Variants in GPA33 observed in about 807,000 individuals in gnomAD.
GPA33 encodes the protein cell surface A33 antigen.
GPA33 carries 27 observed loss-of-function variants against 35.6 expected under a neutral mutation model. The ratio of observed to expected loss-of-function variants is 0.76; its 90% CI spans 0.56 to 1.04. The LOEUF (loss-of-function observed/expected upper bound fraction) is 1.04. GPA33 is among the 50% of genes least tolerant of loss of function. The pLI is 0.00. For missense variants in GPA33, 428 were observed against 411.9 expected (o/e 1.04, Z -0.34); for synonymous variants, 176 against 164.0 (o/e 1.07, Z -0.56).
chr1:167,071,679 T>C (rs1443688044), intron 2 of GPA33, among the ~76,000 whole-genome samples: 1 of 152,154 alleles, frequency 6.6e-6, no homozygotes, highest in African/African-American at 2.4e-5. Flanking sequence ...TTCTGCTCTT[T>C]TCTGATGCTG....
chr1:167,083,975 G>A (rs1286334330), intron 1 of GPA33, among the ~76,000 whole-genome samples: 3 of 152,122 alleles, frequency 2.0e-5, no homozygotes, highest in Admixed American at 6.5e-5. Context: ...GACAAATCCT[G>A]CTATCCACCC....
rs778569290 is a variant in GPA33 at position 167,072,602 on chromosome 1, G to A, written c.198+783C>T. 2.0e-4 allele frequency among the ~76,000 whole-genome samples: 30 copies of A among 151,946 alleles called. 1 individual carries two copies. Among genetic ancestry groups the A allele is most frequent in the South Asian group, 1.0e-3 (5 of 4,826 alleles). On this transcript the variant is annotated intron_variant, in intron 2 of 6. Transcript: ENST00000367868. Reference sequence around the variant, plus strand: ...ATAAGGGTATTTATATTTATGCAGCGTTATTTGTAGCAGCAAAATATAAGA... The same window carrying A: ...ATAAGGGTATTTATATTTATGCAGCATTATTTGTAGCAGCAAAATATAAGA...
chr1:167,090,274 A>G lies in GPA33; in HGVS notation c.14T>C (p.Met5Thr), dbSNP rs144527092. 3.2e-5 allele frequency: 52 copies of G among 1,613,778 alleles called. No individual in the cohort carries two copies. The African/African-American group carries it at 5.5e-4, about 17-fold the overall frequency. The change falls in exon 1 of 7, where the codon ATG (methionine) becomes ACG (threonine). Residue 5 changes from methionine to threonine, a missense_variant. Met to Thr is a moderately conservative substitution (Grantham distance 81). Transcript: ENST00000367868. MVGK[M>T]WPVLWTLCAV... ...ACAGAGTGTCCACAACACAGGCCAC[A>G]TCTTCCCCACCATGGTCTTGCTTCT...
At chr1:167,066,806 G>A (rs1236528187) in intron 3 of GPA33, among the ~76,000 whole-genome samples, 1 of 152,194 alleles carries the variant, frequency 6.6e-6, no homozygotes, top group East Asian at 1.9e-4. Context: ...GACGTCAGGG[G>A]GCGCCAGAGG....
chr1:167,067,166 C>T (rs73028873), intron 3 of GPA33, among the ~76,000 whole-genome samples: 1 of 152,168 alleles, frequency 6.6e-6, no homozygotes, highest in African/African-American at 2.4e-5. Context: ...TGCTCGCTTG[C>T]TCGCTTGTTT....
chr1:167,084,130 T>G (rs995700006), intron 1 of GPA33, among the ~76,000 whole-genome samples: 13 of 152,180 alleles, frequency 8.5e-5, no homozygotes, highest in African/African-American at 3.1e-4. Context: ...CTAATAGTCA[T>G]GGGAAGTTAT....
intron 1 of GPA33, among the ~76,000 whole-genome samples, chr1:167,089,519 G>A (rs1234489720): frequency 6.6e-6 from 1 of 152,122 alleles, no homozygotes; most frequent in Non-Finnish European, 1.5e-5. Flanking sequence ...CAGCAAAATG[G>A]TTGGTACCTT....
At chr1:167,070,503 C>T (rs146186571) in intron 2 of GPA33, among the ~76,000 whole-genome samples, 9 of 152,184 alleles carry the variant, frequency 5.9e-5, no homozygotes, top group Non-Finnish European at 1.0e-4. Flanking sequence ...TAAACGACAG[C>T]GCTGAGGTTC....
At chr1:167,072,390 C>T (rs574736833) in intron 2 of GPA33, among the ~76,000 whole-genome samples, 2 of 152,228 alleles carry the variant, frequency 1.3e-5, no homozygotes, top group East Asian at 3.9e-4. Flanking sequence ...AAATAGCGAA[C>T]AGTTTGAGAA....
At chr1:167,057,947 C>T (rs1158174720) in intron 4 of GPA33, among the ~76,000 whole-genome samples, 1 of 152,138 alleles carries the variant, frequency 6.6e-6, no homozygotes, top group East Asian at 1.9e-4. Context: ...GCCTGTAATC[C>T]CAGCACCTTG....
At chr1:167,065,746 T>A (rs1666578068) in intron 3 of GPA33, among the ~76,000 whole-genome samples, 1 of 152,194 alleles carries the variant, frequency 6.6e-6, no homozygotes, top group Admixed American at 6.5e-5. Flanking sequence ...TAGTGAGGGC[T>A]GGCCAGGTGT....
At chr1:167,079,218 C>T (rs529229855) in intron 1 of GPA33, among the ~76,000 whole-genome samples, 2 of 152,118 alleles carry the variant, frequency 1.3e-5, no homozygotes, top group East Asian at 1.9e-4. Context: ...ACCAGCTGGG[C>T]GTGGTGGCTC....
intron 2 of GPA33, among the ~76,000 whole-genome samples, chr1:167,069,473 A>C (rs951706987): frequency 8.5e-5 from 13 of 152,106 alleles, no homozygotes; most frequent in African/African-American, 3.1e-4. Flanking sequence ...TTTTCTCCAT[A>C]GCCTATCCTC....
intron 1 of GPA33, among the ~76,000 whole-genome samples, chr1:167,089,105 G>C (rs927486253): frequency 2.0e-5 from 3 of 152,234 alleles, no homozygotes; most frequent in Non-Finnish European, 4.4e-5. Context: ...CAGCCTGAGA[G>C]AATGATCTTA....
intron 1 of GPA33, among the ~76,000 whole-genome samples, chr1:167,083,705 T>A (rs781097516): frequency 2.6e-5 from 4 of 151,930 alleles, no homozygotes; most frequent in Non-Finnish European, 5.9e-5. Context: ...GAGATTGAAA[T>A]ATAAGCAGGA....
chr1:167,060,497 C>A (rs1666414594), intron 4 of GPA33, among the ~76,000 whole-genome samples: 1 of 152,210 alleles, frequency 6.6e-6, no homozygotes, highest in South Asian at 2.1e-4. Context: ...TAACCATATT[C>A]TTTTCTGTCA....
chr1:167,064,271 CA>C (rs1488665337), intron 3 of GPA33, among the ~76,000 whole-genome samples: 1 of 150,022 alleles, frequency 6.7e-6, no homozygotes, highest in Non-Finnish European at 1.5e-5. Context: ...GCAACAAGAG[CA>C]AAACTCTGTC....
chr1:167,080,704 T>A (rs1666927663), intron 1 of GPA33, among the ~76,000 whole-genome samples: 1 of 152,232 alleles, frequency 6.6e-6, no homozygotes, highest in Admixed American at 6.5e-5. Context: ...TCACATAAAG[T>A]GCATATCCTT....
chr1:167,063,552 G>A (rs1262147738), intron 4 of GPA33, 30 bp downstream of exon 4: 5 of 1,576,878 alleles, frequency 3.2e-6, no homozygotes, highest in Non-Finnish European at 4.3e-6. Flanking sequence ...CTTTGACGTG[G>A]GGAGCCCGCC....
Sources: gnomAD v4.1 joint callset for allele counts (sites outside exome capture counted in the v4.1 genomes callset) on GRCh38, gnomAD v4.1.1 for gene constraint, MANE v1.5 for transcripts, NCBI Gene and HGNC (gene_info 2026-07-23, HGNC 2026-07-21) for gene names.